The following PRDM16 variants were observed in gnomAD, a reference collection of about 807,000 sequenced individuals.
PRDM16 encodes PR/SET domain 16.
Under a neutral mutation model 110.6 loss-of-function variants are expected in PRDM16, and 23 were observed. The observed-to-expected ratio is 0.21, with a 90% CI of 0.15 to 0.29. The LOEUF (loss-of-function observed/expected upper bound fraction) is 0.29. Ranked by LOEUF, PRDM16 falls within the 10% of genes least tolerant of loss-of-function variation. The pLI, the probability that PRDM16 is intolerant of heterozygous loss-of-function variation, is 1.00. For synonymous variants in PRDM16, 799 were observed against 781.8 expected, an observed-to-expected ratio of 1.02 and a Z score of -0.37; for missense variants, 1,615 against 1,794.3, an observed-to-expected ratio of 0.90 and a Z score of 1.81.
chr1:3,199,687 A>G (rs1250719237), intron 2 of PRDM16, among the ~76,000 whole-genome samples: 1 of 152,082 alleles, frequency 6.6e-6, no homozygotes, highest in Non-Finnish European at 1.5e-5. Flanking sequence ...GTGCATGAAG[A>G]ATCGCTGGGG....
rs1391133746 is a variant in PRDM16 at position 3,438,429 on chromosome 1, C to G, written c.*4618C>G. The G allele has an allele frequency of 9.8e-6, 2 of 204,028 alleles. No individual in the cohort carries two copies. The highest frequency in any genetic ancestry group is 4.6e-5 in the African/African-American group (2 of 43,664). 12.6% of individuals were successfully genotyped at this position (204,028 alleles called of 1,614,324 possible). A position where few individuals can be genotyped will look rare whatever the true frequency, so the allele number is the denominator to read the frequency against. ...GGAAATCATGAAAAGAACAATTTTG[C>G]AAATTGCATTCTGATGCTTGTGATG... On this transcript the variant is annotated 3_prime_UTR_variant, in exon 17 of 17. Coordinates refer to ENST00000270722, the MANE Select transcript of PRDM16 (RefSeq NM_022114.4).
chr1:3,331,542 C>T (rs1217833586), intron 3 of PRDM16, among the ~76,000 whole-genome samples: 6 of 152,158 alleles, frequency 3.9e-5, no homozygotes, highest in Non-Finnish European at 8.8e-5. Flanking sequence ...ACACATGGGA[C>T]GGGGGCTGCC....
intron 1 of PRDM16, among the ~76,000 whole-genome samples, chr1:3,159,862 T>G (rs1643884834): frequency 6.6e-6 from 1 of 152,082 alleles, no homozygotes; most frequent in South Asian, 2.1e-4. Flanking sequence ...AGACTCAGAG[T>G]GCCAGAGAAA....
At chr1:3,360,138 C>T (rs2100556511) in intron 3 of PRDM16, among the ~76,000 whole-genome samples, 1 of 152,370 alleles carries the variant, frequency 6.6e-6, no homozygotes, top group East Asian at 1.9e-4. Context: ...TAATGCTGAA[C>T]ATATGTGCAG....
chr1:3,287,069 A>G (rs936353841), intron 3 of PRDM16, among the ~76,000 whole-genome samples: 7 of 151,978 alleles, frequency 4.6e-5, no homozygotes, highest in African/African-American at 1.7e-4. Flanking sequence ...GATCTGGCCC[A>G]TGAGGTCCTG....
At chr1:3,328,940 G>A (rs553336011) in intron 3 of PRDM16, among the ~76,000 whole-genome samples, 9 of 152,314 alleles carry the variant, frequency 5.9e-5, no homozygotes, top group South Asian at 2.1e-4. Flanking sequence ...CCTGCCGGGG[G>A]AGGGCACCAA....
At chr1:3,232,189 G>A (rs752616188) in intron 2 of PRDM16, among the ~76,000 whole-genome samples, 9 of 152,100 alleles carry the variant, frequency 5.9e-5, no homozygotes, top group African/African-American at 1.9e-4. Flanking sequence ...CTCCCTTCCC[G>A]CCGATCCATC....
intron 2 of PRDM16, among the ~76,000 whole-genome samples, chr1:3,229,801 C>T (rs1336940624): frequency 6.6e-6 from 1 of 152,216 alleles, no homozygotes; most frequent in Non-Finnish European, 1.5e-5. Context: ...CAGGCAGGAG[C>T]AGCCCCCAGA....
chr1:3,321,932 C>T (rs546411733), intron 3 of PRDM16, among the ~76,000 whole-genome samples: 17 of 150,346 alleles, frequency 1.1e-4, no homozygotes, highest in East Asian at 4.0e-4. Context: ...CACACATATG[C>T]GTGTATGTTT....
chr1:3,363,056 T>C (rs1362938203), intron 3 of PRDM16, among the ~76,000 whole-genome samples: 1 of 152,136 alleles, frequency 6.6e-6, no homozygotes, highest in Non-Finnish European at 1.5e-5. Context: ...TGTGAGAAGC[T>C]GCTACCCCAC....
intron 3 of PRDM16, among the ~76,000 whole-genome samples, chr1:3,356,466 C>A (rs891673393): frequency 5.9e-5 from 9 of 152,212 alleles, no homozygotes; most frequent in African/African-American, 2.2e-4. Flanking sequence ...TTGAAATCCT[C>A]CCTTTCCAAC....
chr1:3,125,781 C>T (rs1352368761), intron 1 of PRDM16, among the ~76,000 whole-genome samples: 1 of 152,224 alleles, frequency 6.6e-6, no homozygotes, highest in African/African-American at 2.4e-5. Context: ...CCTGGCCCCT[C>T]GGAGCGGAGC....
intron 3 of PRDM16, among the ~76,000 whole-genome samples, chr1:3,295,289 C>G (rs1381058952): frequency 6.6e-6 from 1 of 152,158 alleles, no homozygotes; most frequent in East Asian, 1.9e-4. Flanking sequence ...GCCTCACTTT[C>G]CCCTCTTTAA....
At position 3,359,183 on chromosome 1, in the gene PRDM16, G is replaced by A. The variant is rs1468814283; in HGVS notation, c.439-25969G>A. On this transcript the variant is annotated intron_variant, in intron 3 of 16. Transcript: ENST00000270722. The surrounding 1 kb of genome is among the most constrained non-coding windows in gnomAD (Gnocchi z 4.3). ...GCCTCCCGAGTAGCTGGGACTACAG[G>A]CAGGTGCCACCGTGCCTAGTTAATA... 6.6e-6 allele frequency among the ~76,000 whole-genome samples: 1 copy of A among 152,100 alleles called. No homozygotes were observed. The highest frequency in any genetic ancestry group is 1.5e-5 in the Non-Finnish European group (1 of 68,024).
At chr1:3,195,255 G>A (rs1638438028) in intron 2 of PRDM16, among the ~76,000 whole-genome samples, 1 of 152,210 alleles carries the variant, frequency 6.6e-6, no homozygotes, top group Admixed American at 6.5e-5. Flanking sequence ...GGCTTCCCAT[G>A]TCCCCCGGCA....
intron 1 of PRDM16, among the ~76,000 whole-genome samples, chr1:3,088,111 CT>C (rs1412587260): frequency 1.3e-5 from 2 of 152,208 alleles, no homozygotes; most frequent in African/African-American, 2.4e-5. Flanking sequence ...TACATTCTCC[CT>C]GTGCTGCTCC....
chr1:3,169,666 G>A (rs35796968), intron 1 of PRDM16, among the ~76,000 whole-genome samples: 9,478 of 152,228 alleles, frequency 0.062, 318 homozygotes, highest in Admixed American at 0.077. Flanking sequence ...AACAGAGCCC[G>A]CCCCCCACGG....
chr1:3,293,685 T>C (rs1354848128), intron 3 of PRDM16, among the ~76,000 whole-genome samples: 2 of 152,218 alleles, frequency 1.3e-5, no homozygotes, highest in African/African-American at 4.8e-5. Flanking sequence ...TAGTAGGGTA[T>C]TTCATTGTTA....
At chr1:3,161,069 C>G (rs528743015) in intron 1 of PRDM16, among the ~76,000 whole-genome samples, 1 of 152,268 alleles carries the variant, frequency 6.6e-6, no homozygotes, top group East Asian at 1.9e-4. Flanking sequence ...CGGGAGGGGA[C>G]GTTTTGCTGC....
Sources: gnomAD v4.1 joint callset for allele counts (sites outside exome capture counted in the v4.1 genomes callset) on GRCh38, gnomAD v4.1.1 for gene constraint, Gnocchi (gnomAD v3.1) non-coding constraint, MANE v1.5 for transcripts, NCBI Gene and HGNC (gene_info 2026-07-23, HGNC 2026-07-21) for gene names.